Variants in SEMA5A observed in about 807,000 individuals in gnomAD.
SEMA5A encodes the protein semaphorin 5A.
Under a neutral mutation model 135.5 loss-of-function variants are expected in SEMA5A, and 55 were observed. The observed-to-expected ratio is 0.41, with a 90% CI of 0.33 to 0.51. The LOEUF (loss-of-function observed/expected upper bound fraction) is 0.51, where lower values mean the gene tolerates loss of function less well. Among genes scored for constraint, SEMA5A ranks in the 20% least tolerant of loss-of-function variants. SEMA5A has a pLI of 0.37. For missense variants in SEMA5A, 1,290 were observed against 1,419.9 expected (o/e 0.91, Z 1.47); for synonymous variants, 580 against 546.5 (o/e 1.06, Z -0.85).
intron 16 of SEMA5A, among the ~76,000 whole-genome samples, chr5:9,087,438 A>T (rs1438994348): frequency 6.6e-6 from 1 of 152,178 alleles, no homozygotes; most frequent in Admixed American, 6.5e-5. Flanking sequence ...TTTGAAAATC[A>T]TTCTGCTGTG....
chr5:9,420,811 G>A (rs376832653), intron 2 of SEMA5A, among the ~76,000 whole-genome samples: 12 of 152,078 alleles, frequency 7.9e-5, no homozygotes, highest in African/African-American at 2.4e-4. Flanking sequence ...TCAGGAGTTC[G>A]AGACTAGCCT....
intron 2 of SEMA5A, among the ~76,000 whole-genome samples, chr5:9,408,150 TCACCAC>T (rs559391384): frequency 6.6e-6 from 1 of 150,616 alleles, no homozygotes; most frequent in Non-Finnish European, 1.5e-5. Context: ...AACATCATTA[TCACCAC>T]CACCACCACC....
intron 2 of SEMA5A, among the ~76,000 whole-genome samples, chr5:9,412,591 A>ATTTTTTTTTTT (rs201599831): frequency 9.1e-6 from 1 of 110,362 alleles, no homozygotes; most frequent in Non-Finnish European, 1.8e-5. Flanking sequence ...CAGATTTTGC[A>ATTTTTTTTTTT]TTTTTTTTTT....
At chr5:9,453,472 G>C (rs751407701) in intron 1 of SEMA5A, among the ~76,000 whole-genome samples, 1 of 152,162 alleles carries the variant, frequency 6.6e-6, no homozygotes, top group African/African-American at 2.4e-5. Flanking sequence ...TGCAGAACTG[G>C]CTGGTATTCC....
intron 6 of SEMA5A, among the ~76,000 whole-genome samples, chr5:9,230,149 T>C (rs1747542340): frequency 6.7e-6 from 1 of 148,426 alleles, no homozygotes; most frequent in South Asian, 2.1e-4. Context: ...CACCCCTGGC[T>C]ATTTTTTTCT....
intron 5 of SEMA5A, among the ~76,000 whole-genome samples, chr5:9,291,474 G>C (rs973953732): frequency 5.9e-5 from 9 of 152,144 alleles, no homozygotes; most frequent in African/African-American, 2.2e-4. Flanking sequence ...CTTGAAGGCA[G>C]GTGCCATGTA....
At chr5:9,133,994 T>C (rs1741587246) in intron 13 of SEMA5A, among the ~76,000 whole-genome samples, 1 of 152,080 alleles carries the variant, frequency 6.6e-6, no homozygotes, top group South Asian at 2.1e-4. Context: ...CAAGATCTGA[T>C]GGTTTAAAAG....
At chr5:9,129,229 C>A (rs553857748) in intron 13 of SEMA5A, among the ~76,000 whole-genome samples, 2 of 152,196 alleles carry the variant, frequency 1.3e-5, no homozygotes, top group South Asian at 2.1e-4. Context: ...AAACAGTTAC[C>A]AAACCCTGGA....
intron 10 of SEMA5A, among the ~76,000 whole-genome samples, chr5:9,193,302 C>T (rs1745213125): frequency 6.6e-6 from 1 of 152,122 alleles, no homozygotes; most frequent in Admixed American, 6.5e-5. Flanking sequence ...TCCCTGGGTT[C>T]ACCATGCAAG....
Position 9,358,941 on chromosome 5 carries a change from C to G in SEMA5A, c.124+20882G>C, listed in dbSNP as rs1463068094. Reference sequence around the variant, plus strand: ...AAATTTTTTGATTCAAGGAGCAAAGCACTGGTTCAGACCCTCTTGCAAAGA... The same window carrying G: ...AAATTTTTTGATTCAAGGAGCAAAGGACTGGTTCAGACCCTCTTGCAAAGA... On this transcript the variant is annotated intron_variant, in intron 3 of 22. Transcript: ENST00000382496. Among the ~76,000 whole-genome samples the G allele has an allele frequency of 3.7e-5, 5 of 134,030 alleles. No individual in the cohort carries two copies. In the South Asian group the frequency reaches 1.1e-3, roughly 30 times the overall value. 87.9% of individuals were successfully genotyped at this position (134,030 alleles called of 152,430 possible). A position where few individuals can be genotyped will look rare whatever the true frequency, so the allele number is the denominator to read the frequency against.
intron 2 of SEMA5A, among the ~76,000 whole-genome samples, chr5:9,405,988 A>T (rs1756871636): frequency 6.6e-6 from 1 of 152,238 alleles, no homozygotes; most frequent in African/African-American, 2.4e-5. Context: ...GTCTTTACCC[A>T]ACAGGAATAA....
chr5:9,208,424 G>A (rs116483323), intron 8 of SEMA5A, among the ~76,000 whole-genome samples: 1,533 of 152,278 alleles, frequency 0.01, 35 homozygotes, highest in African/African-American at 0.035. Flanking sequence ...TAAACTGATA[G>A]ACACAGCCCG....
intron 9 of SEMA5A, among the ~76,000 whole-genome samples, chr5:9,199,863 A>C (rs1745610178): frequency 1.3e-5 from 2 of 152,200 alleles, no homozygotes; most frequent in Admixed American, 1.3e-4. Context: ...ACCCATGCTC[A>C]AGTGACTGAG....
At chr5:9,533,801 A>C (rs1165714378) in intron 1 of SEMA5A, among the ~76,000 whole-genome samples, 2 of 152,154 alleles carry the variant, frequency 1.3e-5, no homozygotes, top group African/African-American at 4.8e-5. Context: ...ATCTACAAAA[A>C]CTTTTTCTTC....
At position 9,183,148 on chromosome 5, in the gene SEMA5A, G is replaced by C. The variant is rs140904209; in HGVS notation, c.1273+7119C>G. ...GGCTGTGTGGTGAGGGAAAGGAATA[G>C]GGAGCAGGAAAGAGCAGGAAGTGGT... On this transcript the variant is annotated intron_variant, in intron 11 of 22. Transcript: ENST00000382496. Among the ~76,000 whole-genome samples the C allele has an allele frequency of 2.1e-3, 321 of 152,232 alleles. 6 individuals carry two copies. The highest frequency in any genetic ancestry group is 7.3e-3 in the African/African-American group (302 of 41,534).
chr5:9,060,649 G>A (rs1397732428), intron 18 of SEMA5A, among the ~76,000 whole-genome samples: 1 of 152,124 alleles, frequency 6.6e-6, no homozygotes, highest in Non-Finnish European at 1.5e-5. Context: ...CAGAGGAGGA[G>A]TCTCCTGAGG....
intron 2 of SEMA5A, among the ~76,000 whole-genome samples, chr5:9,414,442 G>C (rs1438983094): frequency 6.6e-6 from 1 of 152,190 alleles, no homozygotes; most frequent in African/African-American, 2.4e-5. Flanking sequence ...GATCAGATTT[G>C]ATGACACAGA....
chr5:9,114,420 G>A lies in SEMA5A; in HGVS notation c.1925+4578C>T, dbSNP rs984311023. On this transcript the variant is annotated intron_variant, in intron 15 of 22. Coordinates refer to ENST00000382496, the MANE Select transcript of SEMA5A (RefSeq NM_003966.3). ...TAATGTGAATGTCAATAATGTCACT[G>A]AATTACACACTTATAAATGATTAAG... Among the ~76,000 whole-genome samples, 5 of 152,280 alleles carry A rather than the reference G, an allele frequency of 3.3e-5. No homozygotes were observed. In the East Asian group the frequency reaches 9.6e-4, roughly 29 times the overall value.
intron 1 of SEMA5A, among the ~76,000 whole-genome samples, chr5:9,439,411 G>A (rs1390778186): frequency 2.0e-5 from 3 of 152,180 alleles, no homozygotes; most frequent in African/African-American, 7.2e-5. Flanking sequence ...AAATGTCCTT[G>A]TAGTTGTTTA....
Sources: gnomAD v4.1 joint callset for allele counts (sites outside exome capture counted in the v4.1 genomes callset) on GRCh38, gnomAD v4.1.1 for gene constraint, MANE v1.5 for transcripts, NCBI Gene and HGNC (gene_info 2026-07-23, HGNC 2026-07-21) for gene names.